DSTYK: variants seen among roughly 807,000 people sequenced by gnomAD.
The protein encoded by DSTYK is dual serine/threonine and tyrosine protein kinase, also known as RIP-homologous kinase.
In DSTYK, 34 loss-of-function variants were observed where a neutral mutation model predicts 98.7. That is an observed-to-expected ratio of 0.34 (90% CI 0.26 to 0.46). The LOEUF is 0.46. DSTYK is among the 20% of genes least tolerant of loss of function. The probability of loss-of-function intolerance (pLI) is 1.00; values close to 1 mark genes in which losing one functional copy is unlikely to be tolerated. For missense variants in DSTYK, 962 were observed against 1,181.7 expected, an observed-to-expected ratio of 0.81 and a Z score of 2.73; for synonymous variants, 462 against 457.3, an observed-to-expected ratio of 1.01 and a Z score of -0.13.
intron 9 of DSTYK, among the ~76,000 whole-genome samples, chr1:205,159,016 G>T (rs548450717): frequency 6.6e-6 from 1 of 152,242 alleles, no homozygotes; most frequent in African/African-American, 2.4e-5. Flanking sequence ...ACCACCACAG[G>T]GGTCTGAGTG....
At chr1:205,207,755 C>CAAAAAAAAAAAAAAAAAAAAAAAAAAA (rs766036213) in intron 1 of DSTYK, among the ~76,000 whole-genome samples, 1 of 52,728 alleles carries the variant, frequency 1.9e-5, no homozygotes, top group Non-Finnish European at 3.1e-5. Flanking sequence ...GACTCTGTCT[C>CAAAAAAAAAAAAAAAAAAAAAAAAAAA]AAAAAAAAAA....
intron 2 of DSTYK, chr1:205,173,390 C>CACAAA (rs1658125952): frequency 1.2e-5 from 1 of 82,606 alleles, no homozygotes; most frequent in African/African-American, 5.3e-5. Flanking sequence ...GAGACTGTCT[C>CACAAA]AAAAAAAAAA....
chr1:205,169,556 C>G lies in DSTYK; in HGVS notation c.931G>C (p.Gly311Arg), dbSNP rs756512921. 11 of 1,614,152 alleles carry G rather than the reference C, an allele frequency of 6.8e-6. No homozygotes were observed. The highest frequency in any genetic ancestry group is 9.3e-6 in the Non-Finnish European group (11 of 1,180,018). ...SPLYRQLIDL[G>R]YLSSSHWNCG... is the part of the protein sequence containing the mutation. ...TTCCAGTGACTGCTGCTCAGATAGC[C>G]CAGGTCAATTAGCTGGCGATAAAGC... Residue 311 changes from glycine (G) to arginine (R), a missense_variant, in exon 3 of 13, where the codon GGC becomes CGC. Gly to Arg is a moderately radical substitution (Grantham distance 125). Coordinates refer to ENST00000367162, the MANE Select transcript of DSTYK (RefSeq NM_015375.3). This position sits in a 1 kb window ranked among gnomAD's most constrained non-coding sequence, Gnocchi z 4.0.
At chr1:205,211,041 T>C (rs557757833) in intron 1 of DSTYK, among the ~76,000 whole-genome samples, 26 of 152,128 alleles carry the variant, frequency 1.7e-4, no homozygotes, top group Admixed American at 4.6e-4. Context: ...CGGCCCTCGG[T>C]TGCCCCTGGC....
In DSTYK at chr1:205,160,192, A is replaced by T. The variant is rs1174145386; in HGVS notation, c.2027T>A (p.Phe676Tyr). Reference protein sequence around the residue: ...VYLCDNWGGHFPCALKSVVPP... With the variant: ...VYLCDNWGGHYPCALKSVVPP... The stretch of plus-strand genomic sequence containing the variant: ...GACAACTGATTTGAGGGCACAAGGG[A>T]AGTGTCCTCCCCAGTTGTCACACAG... The change falls in exon 8 of 13, where the codon TTC (phenylalanine) becomes TAC (tyrosine). Residue 676 changes from phenylalanine to tyrosine, a missense_variant. This residue lies in a region of DSTYK where 660 missense variants were observed against 855.0 expected (regional missense o/e 0.77). Coordinates refer to ENST00000367162, the MANE Select transcript of DSTYK (RefSeq NM_015375.3). 1 of 1,613,930 alleles carries T rather than the reference A, an allele frequency of 6.2e-7. No individual in the cohort carries two copies. The highest frequency in any genetic ancestry group is 8.5e-7 in the Non-Finnish European group (1 of 1,179,910).
intron 1 of DSTYK, among the ~76,000 whole-genome samples, chr1:205,188,999 A>G (rs1479189508): frequency 6.6e-6 from 1 of 152,180 alleles, no homozygotes; most frequent in Non-Finnish European, 1.5e-5. Context: ...CATCCCAATT[A>G]CCCTGATTTG....
rs772824318 is a variant in DSTYK, at chr1:205,169,947, G to A, written c.655-115C>T. Reference sequence around the variant, plus strand: ...ATCTACAATGGAACAATTGGACTTCGGTACCCCAGCCATTGATCCACCTCC... The same window carrying A: ...ATCTACAATGGAACAATTGGACTTCAGTACCCCAGCCATTGATCCACCTCC... On this transcript the variant is annotated intron_variant, in intron 2 of 12. Transcript: ENST00000367162. This position sits in a 1 kb window ranked among gnomAD's most constrained non-coding sequence, Gnocchi z 4.0. 3.6e-5 allele frequency: 36 copies of A among 986,882 alleles called. No individual in the cohort carries two copies. The highest frequency in any genetic ancestry group is 4.8e-5 in the Non-Finnish European group (33 of 687,384). 61.1% of individuals were successfully genotyped at this position (986,882 alleles called of 1,614,324 possible). A position where few individuals can be genotyped will look rare whatever the true frequency, so the allele number is the denominator to read the frequency against.
intron 3 of DSTYK, among the ~76,000 whole-genome samples, chr1:205,165,714 C>A (rs1184866627): frequency 6.6e-6 from 1 of 152,044 alleles, no homozygotes; most frequent in Non-Finnish European, 1.5e-5. Flanking sequence ...TGAGATATAC[C>A]CTTACAAGTC....
In DSTYK at chr1:205,160,140, A is replaced by G; in HGVS notation, c.2079T>C (p.Asp693=). 1 of 1,614,188 alleles carries G rather than the reference A, an allele frequency of 6.2e-7. No homozygotes were observed. Among genetic ancestry groups the G allele is most frequent in the Non-Finnish European group, 8.5e-7 (1 of 1,180,022 alleles). The part of the protein sequence containing the change: ...VVPPDEKHWN[D]LALEFHYMRS... Reference sequence around the variant, plus strand: ...TCATATAGTGAAATTCCAAAGCCAGATCATTCCAGTGCTTCTCATCTGGAG... The same window carrying G: ...TCATATAGTGAAATTCCAAAGCCAGGTCATTCCAGTGCTTCTCATCTGGAG... The change falls in exon 8 of 13, where the codon GAT becomes GAC. Residue 693 remains aspartate, a synonymous_variant. Coordinates refer to ENST00000367162, the MANE Select transcript of DSTYK (RefSeq NM_015375.3).
Position 205,169,045 on chromosome 1 carries a change from T to G in DSTYK, c.1324+118A>C. 1.2e-6 allele frequency: 1 copy of G among 855,914 alleles called. No individual in the cohort carries two copies. The highest frequency in any genetic ancestry group is 1.8e-5 in the South Asian group (1 of 55,054). The allele number at this position is 855,914 out of a possible 1,614,324, so 53.0% of individuals were successfully genotyped here. On this transcript the variant is annotated intron_variant, in intron 3 of 12. Transcript: ENST00000367162. This position sits in a 1 kb window ranked among gnomAD's most constrained non-coding sequence, Gnocchi z 4.0. ...TGGGCTCCTGCTGGTAACAGTGGGGTGGATGAAGTTACCCTGAGATTCCTT... is the reference window on the plus strand; with the variant it reads ...TGGGCTCCTGCTGGTAACAGTGGGGGGGATGAAGTTACCCTGAGATTCCTT...
At chr1:205,186,019 T>A (rs565702173) in intron 2 of DSTYK, among the ~76,000 whole-genome samples, 1 of 151,616 alleles carries the variant, frequency 6.6e-6, no homozygotes, top group Admixed American at 6.6e-5. Context: ...AGAGACTCCA[T>A]CTCAAAAAAG....
At chr1:205,184,311 G>A (rs1038966379) in intron 2 of DSTYK, among the ~76,000 whole-genome samples, 4 of 151,830 alleles carry the variant, frequency 2.6e-5, no homozygotes, top group African/African-American at 9.7e-5. Flanking sequence ...AGTGGCTCAC[G>A]CCTGTAATCC....
At chr1:205,211,215 G>C (rs556482326) in intron 1 of DSTYK, 56 bp downstream of exon 1, 7 of 1,529,898 alleles carry the variant, frequency 4.6e-6, no homozygotes, top group African/African-American at 2.8e-5. Flanking sequence ...CAGGGGTGCG[G>C]TCCGTCCTCC....
chr1:205,160,328 C>T, intron 7 of DSTYK, 58 bp from the exon 8 acceptor site: 10 of 1,434,294 alleles, frequency 7.0e-6, no homozygotes, highest in Non-Finnish European at 9.5e-6. Flanking sequence ...TGGGCAACCT[C>T]TGTAAGATTC....
chr1:205,200,767 C>T (rs559014348), intron 1 of DSTYK, among the ~76,000 whole-genome samples: 1 of 152,194 alleles, frequency 6.6e-6, no homozygotes, highest in African/African-American at 2.4e-5. Context: ...CTTCCCATAT[C>T]ATGGTGAAGC....
At chr1:205,207,289 G>A (rs1224461628) in intron 1 of DSTYK, among the ~76,000 whole-genome samples, 2 of 151,090 alleles carry the variant, frequency 1.3e-5, no homozygotes, top group African/African-American at 2.4e-5. Context: ...ACGTTGGCCA[G>A]GCTGGTCTCG....
At position 205,162,987 on chromosome 1, in the gene DSTYK, T is replaced by C. The variant is rs1468409388; in HGVS notation, c.1577A>G (p.His526Arg). The C allele has an allele frequency of 1.9e-6, 3 of 1,614,130 alleles. No homozygotes were observed. The highest frequency in any genetic ancestry group is 2.5e-6 in the Non-Finnish European group (3 of 1,179,974). ...YLKQILNAAY[H>R]VEVTFHSGSS... ...CCCTGAGTGAAACGTGACTTCAACA[T>C]GATAGGCAGCATTTAAGATCTGAAA... The change falls in exon 5 of 13, where the codon CAT becomes CGT. Residue 526 changes from histidine to arginine, a missense_variant. By Grantham distance (29) the His-to-Arg change is conservative. Coordinates refer to ENST00000367162, the MANE Select transcript of DSTYK (RefSeq NM_015375.3).
rs1243574602 is a variant in DSTYK at position 205,150,362 on chromosome 1, G to A, written c.2467+318C>T. On this transcript the variant is annotated intron_variant, in intron 11 of 12. Transcript: ENST00000367162. This position sits in a 1 kb window ranked among gnomAD's most constrained non-coding sequence, Gnocchi z 4.1. Reference sequence around the variant, plus strand: ...CTATGTCAACGGTAAGTTCTTTAATGATAGAGGACAACTCCTATCACACAG... The same window carrying A: ...CTATGTCAACGGTAAGTTCTTTAATAATAGAGGACAACTCCTATCACACAG... Among the ~76,000 whole-genome samples, 1 of 152,098 alleles carries A rather than the reference G, an allele frequency of 6.6e-6. No individual in the cohort carries two copies. Among genetic ancestry groups the A allele is most frequent in the Non-Finnish European group, 1.5e-5 (1 of 68,036 alleles).
rs1445207913 is a variant in DSTYK at position 205,159,620 on chromosome 1, T to C, written c.2165A>G (p.Tyr722Cys). 2.5e-6 allele frequency: 4 copies of C among 1,613,818 alleles called. No individual in the cohort carries two copies. Among genetic ancestry groups the C allele is most frequent in the East Asian group, 2.2e-5 (1 of 44,858 alleles). Residue 722 changes from tyrosine (Y) to cysteine (C), a missense_variant, in exon 9 of 13, where the codon TAT (tyrosine) becomes TGT (cysteine). Tyr to Cys is a radical substitution (Grantham distance 194, BLOSUM62 -2). Transcript: ENST00000367162. ...CACAGCAATGCTGGAGCCACCACCA[T>C]AGTTGTAGTCAATGACTGAACCATG... ...DLHGSVIDYN[Y>C]GGGSSIAVLL...
Sources: allele counts gnomAD v4.1 joint callset (sites outside exome capture counted in the v4.1 genomes callset), GRCh38; gene constraint gnomAD v4.1.1; regional missense constraint gnomAD v4.1.1; non-coding constraint Gnocchi (gnomAD v3.1); transcripts MANE v1.5; gene names NCBI Gene and HGNC (gene_info 2026-07-23, HGNC 2026-07-21).